The following RUSC1 variants were observed in gnomAD, a reference collection of about 807,000 sequenced individuals.
The protein encoded by RUSC1 is RUN and SH3 domain containing 1.
A neutral mutation model predicts 72.1 loss-of-function variants in RUSC1; 40 were observed. The observed-to-expected ratio is 0.55, with a 90% CI of 0.43 to 0.72. The LOEUF (loss-of-function observed/expected upper bound fraction) is 0.72. Among genes scored for constraint, RUSC1 ranks in the 30% least tolerant of loss-of-function variants. RUSC1 has a pLI of 0.00. For missense variants in RUSC1, 1,092 were observed against 1,172.3 expected (o/e 0.93, Z 1.00); for synonymous variants, 512 against 494.2 (o/e 1.04, Z -0.48).
Position 155,326,198 on chromosome 1 carries a change from C to A in RUSC1, c.1861+288C>A. 1.8e-6 allele frequency: 1 copy of A among 562,942 alleles called. No homozygotes were observed. Among genetic ancestry groups the A allele is most frequent in the Non-Finnish European group, 3.2e-6 (1 of 315,348 alleles). 34.9% of individuals were successfully genotyped at this position (562,942 alleles called of 1,614,324 possible). Reference sequence around the variant, plus strand: ...GGGCCCTGCTTATGCTGTTCCTCTACCTTCTGCCCCTCCTGCTTCCTCTGA... The same window carrying A: ...GGGCCCTGCTTATGCTGTTCCTCTAACTTCTGCCCCTCCTGCTTCCTCTGA... On this transcript the variant is annotated intron_variant, in intron 7 of 9. Coordinates refer to ENST00000368352, the MANE Select transcript of RUSC1 (RefSeq NM_001105203.2). This position sits in a 1 kb window ranked among gnomAD's most constrained non-coding sequence, Gnocchi z 4.7.
chr1:155,326,469 T>C lies in RUSC1; in HGVS notation c.1862-111T>C, dbSNP rs997206923. On this transcript the variant is annotated intron_variant, in intron 7 of 9. Transcript: ENST00000368352. The surrounding 1 kb of genome is among the most constrained non-coding windows in gnomAD (Gnocchi z 4.7). ...ACATCCTTCCTCCTCTCTGCCCCAGTGCCCAGCAGAGTGAGGCCTGGGAAG... is the reference window on the plus strand; with the variant it reads ...ACATCCTTCCTCCTCTCTGCCCCAGCGCCCAGCAGAGTGAGGCCTGGGAAG... 5.2e-5 allele frequency: 58 copies of C among 1,111,884 alleles called. No individual in the cohort carries two copies. The Middle Eastern group carries it at 1.6e-3, about 30-fold the overall frequency. The allele number at this position is 1,111,884 out of a possible 1,614,324, so 68.9% of individuals were successfully genotyped here.
chr1:155,325,798 C>T lies in RUSC1; in HGVS notation c.1815-66C>T. ...CCCCTCTTCCAATCTCATCTCCCAT[C>T]CTCCACCCAGAGAGGACTGGAGTCC... On this transcript the variant is annotated intron_variant, in intron 6 of 9. Coordinates refer to ENST00000368352, the MANE Select transcript of RUSC1 (RefSeq NM_001105203.2). The surrounding 1 kb of genome is among the most constrained non-coding windows in gnomAD (Gnocchi z 6.5). The T allele has an allele frequency of 6.3e-7, 1 of 1,595,616 alleles. No individual in the cohort carries two copies. The highest frequency in any genetic ancestry group is 8.6e-7 in the Non-Finnish European group (1 of 1,163,474).
In RUSC1 at chr1:155,325,786, C is replaced by G; in HGVS notation, c.1815-78C>G. 1 of 1,589,688 alleles carries G rather than the reference C, an allele frequency of 6.3e-7. No individual in the cohort carries two copies. Among genetic ancestry groups the G allele is most frequent in the Non-Finnish European group, 8.6e-7 (1 of 1,158,280 alleles). ...CAGAGAAGGCCCCCCCTCTTCCAATCTCATCTCCCATCCTCCACCCAGAGA... is the reference window on the plus strand; with the variant it reads ...CAGAGAAGGCCCCCCCTCTTCCAATGTCATCTCCCATCCTCCACCCAGAGA... On this transcript the variant is annotated intron_variant, in intron 6 of 9. Transcript: ENST00000368352. The surrounding 1 kb of genome is among the most constrained non-coding windows in gnomAD (Gnocchi z 6.5).
rs1330727275 is a variant in RUSC1 at position 155,326,802 on chromosome 1, T to C, written c.2084T>C (p.Met695Thr). Residue 695 changes from methionine to threonine, a missense_variant, in exon 8 of 10, where the codon ATG becomes ACG. Transcript: ENST00000368352. The surrounding 1 kb of genome is among the most constrained non-coding windows in gnomAD (Gnocchi z 4.7). Reference sequence around the variant, plus strand: ...GCTCTGCAGCAGACTATGCAAGCCATGCTGCACTTTGGGGGCCGGCTGGCC... The same window carrying C: ...GCTCTGCAGCAGACTATGCAAGCCACGCTGCACTTTGGGGGCCGGCTGGCC... ...PPALQQTMQA[M>T]LHFGGRLAQS... 6.2e-7 allele frequency: 1 copy of C among 1,613,294 alleles called. No individual in the cohort carries two copies. Among genetic ancestry groups the C allele is most frequent in the Non-Finnish European group, 8.5e-7 (1 of 1,180,026 alleles).
intron 2 of RUSC1, chr1:155,324,617 G>A: frequency 6.6e-7 from 1 of 1,526,610 alleles, no homozygotes; most frequent in Non-Finnish European, 8.7e-7. Flanking sequence ...GGAGGGCACA[G>A]GGAACCGGGA....
intron 8 of RUSC1, 39 bp downstream of exon 8, chr1:155,327,171 C>G: frequency 1.3e-6 from 2 of 1,528,646 alleles, no homozygotes; most frequent in Non-Finnish European, 1.8e-6. Flanking sequence ...CCTTCTGACT[C>G]TCTCAGATCT....
intron 2 of RUSC1, chr1:155,324,639 G>A (rs945139777): frequency 1.3e-6 from 2 of 1,519,766 alleles, no homozygotes; most frequent in African/African-American, 2.8e-5. Flanking sequence ...GGGGCTGGGG[G>A]ACAGCGAGTG....
In RUSC1 at chr1:155,322,237, G is replaced by C. The variant is rs1650645017; in HGVS notation, c.464G>C (p.Cys155Ser). The C allele has an allele frequency of 3.1e-6, 5 of 1,612,864 alleles. No individual in the cohort carries two copies. Among genetic ancestry groups the C allele is most frequent in the African/African-American group, 1.3e-5 (1 of 74,918 alleles). The change falls in exon 2 of 10, where the codon TGC becomes TCC. Residue 155 changes from cysteine to serine, a missense_variant. Cys to Ser is a moderately radical substitution (Grantham distance 112). Coordinates refer to ENST00000368352, the MANE Select transcript of RUSC1 (RefSeq NM_001105203.2). ...SPLASAGPGTCSPDSFCCSPD... is the reference protein window; with the variant it reads ...SPLASAGPGTSSPDSFCCSPD... ...CTGGCTTCAGCAGGCCCTGGCACCT[G>C]CTCACCGGACAGCTTCTGCTGCTCT...
chr1:155,330,518 C>T lies in RUSC1; in HGVS notation c.2656C>T (p.Arg886Trp), dbSNP rs771741362. The T allele has an allele frequency of 1.5e-5, 25 of 1,613,550 alleles. No homozygotes were observed. The South Asian group carries it at 1.8e-4, about 11-fold the overall frequency. Residue 886 changes from arginine (R) to tryptophan (W), a missense_variant, in exon 10 of 10, where the codon CGG (arginine) becomes TGG (tryptophan). Transcript: ENST00000368352. ...TVDEDWLRCG[R>W]DGMEGLVPVG... ...GGATGAGGACTGGCTCCGCTGTGGG[C>T]GGGATGGCATGGAGGGTCTGGTGCC...
At chr1:155,323,226 T>A in intron 2 of RUSC1, 96 bp downstream of exon 2, 1 of 1,292,288 alleles carries the variant, frequency 7.7e-7, no homozygotes, top group Non-Finnish European at 1.0e-6. Flanking sequence ...CCATTCTGTG[T>A]CACCCATCCT....
At position 155,321,830 on chromosome 1, in the gene RUSC1, C is replaced by T. The variant is rs1313946280; in HGVS notation, c.57C>T (p.His19=). 3.1e-6 allele frequency: 5 copies of T among 1,613,802 alleles called. No homozygotes were observed. Among genetic ancestry groups the T allele is most frequent in the African/African-American group, 2.7e-5 (2 of 74,902 alleles). ...ACCTCAACCACATCCACCTCCAGCA[C>T]GTCTCCCTGGGCCTGCACTTGTCCC... is the stretch of plus-strand genomic sequence containing the variant. ...LCNLNHIHLQ[H]VSLGLHLSRR... is the part of the protein sequence containing the mutation. The change falls in exon 2 of 10, where the codon CAC becomes CAT. Residue 19 remains histidine (H), a synonymous_variant. Coordinates refer to ENST00000368352, the MANE Select transcript of RUSC1 (RefSeq NM_001105203.2).
Position 155,322,293 on chromosome 1 carries a change from C to A in RUSC1, c.520C>A (p.Pro174Thr). The A allele has an allele frequency of 6.2e-7, 1 of 1,611,170 alleles. No individual in the cohort carries two copies. The highest frequency in any genetic ancestry group is 8.5e-7 in the Non-Finnish European group (1 of 1,177,952). ...TTCCTGCTCCGGAGCTTCTTCTTCA[C>A]CCGATCCTGGCCTGGACTCGAACTG... ...PDSCSGASSS[P>T]DPGLDSNCNA... The change falls in exon 2 of 10, where the codon CCC (proline) becomes ACC (threonine). Residue 174 changes from proline to threonine, a missense_variant. Physicochemically the swap from Pro to Thr is conservative, Grantham distance 38 (BLOSUM62 -1). Coordinates refer to ENST00000368352, the MANE Select transcript of RUSC1 (RefSeq NM_001105203.2).
At position 155,325,163 on chromosome 1, in the gene RUSC1, G is replaced by C; in HGVS notation, c.1518G>C (p.Arg506=). ...TCATCTCGCATTTCGGGGCCGCCCG[G>C]AACTTGGTGCAGAAGGTGAAGGTGG... ...DKIISHFGAA[R]NLVQKAQLGD... is the part of the protein sequence containing the mutation. The change falls in exon 4 of 10, where the codon CGG becomes CGC. Residue 506 remains arginine (R), a synonymous_variant. Transcript: ENST00000368352. This position sits in a 1 kb window ranked among gnomAD's most constrained non-coding sequence, Gnocchi z 6.5. 1 of 1,614,270 alleles carries C rather than the reference G, an allele frequency of 6.2e-7. No homozygotes were observed. Among genetic ancestry groups the C allele is most frequent in the Non-Finnish European group, 8.5e-7 (1 of 1,180,054 alleles).
chr1:155,328,022 G>C, intron 8 of RUSC1, 128 bp from the exon 9 acceptor site: 1 of 1,206,848 alleles, frequency 8.3e-7, no homozygotes, highest in South Asian at 1.6e-5. Flanking sequence ...TCTGCCCTCA[G>C]CAGTGACTAA....
chr1:155,323,174 C>G (rs1389525388), intron 2 of RUSC1, 44 bp downstream of exon 2: 3 of 1,396,194 alleles, frequency 2.1e-6, no homozygotes, highest in African/African-American at 1.5e-5. Flanking sequence ...GCTTCGGCCG[C>G]TCACGCCTCC....
In RUSC1 at chr1:155,322,899, T is replaced by TC; in HGVS notation, c.1129dup (p.Arg377ProfsTer79). On this transcript the variant is annotated frameshift_variant, in exon 2 of 10. Transcript: ENST00000368352. LOFTEE classifies it high-confidence loss of function. ...AGTCACCACCTTCAAGGAACTCCGG[T>TC]CCCGAAGCCGGGCCCCAGCCCCGCC... 6.2e-7 allele frequency: 1 copy of TC among 1,601,202 alleles called. No homozygotes were observed. Among genetic ancestry groups the TC allele is most frequent in the Non-Finnish European group, 8.5e-7 (1 of 1,175,292 alleles).
chr1:155,328,103 G>A (rs1651607355), intron 8 of RUSC1, 47 bp from the exon 9 acceptor site: 1 of 1,586,944 alleles, frequency 6.3e-7, no homozygotes, highest in East Asian at 2.3e-5. Context: ...GGGTTCTTGG[G>A]TTTTCTGGAA....
In RUSC1 at chr1:155,321,851, G is replaced by C. The variant is rs749135751; in HGVS notation, c.78G>C (p.Leu26Phe). ...HLQHVSLGLH[L>F]SRRPELQEGP... ...AGCACGTCTCCCTGGGCCTGCACTT[G>C]TCCCGCCGTCCTGAGCTACAGGAGG... Residue 26 changes from leucine to phenylalanine, a missense_variant, in exon 2 of 10, where the codon TTG becomes TTC. By Grantham distance (22) the Leu-to-Phe change is conservative. Coordinates refer to ENST00000368352, the MANE Select transcript of RUSC1 (RefSeq NM_001105203.2). 1.2e-5 allele frequency: 19 copies of C among 1,613,788 alleles called. No homozygotes were observed. In the South Asian group the frequency reaches 2.1e-4, roughly 18 times the overall value.
Position 155,327,043 on chromosome 1 carries a change from G to A in RUSC1, c.2325G>A (p.Glu775=), listed in dbSNP as rs1156562937. The A allele has an allele frequency of 1.2e-6, 2 of 1,613,504 alleles. No homozygotes were observed. Among genetic ancestry groups the A allele is most frequent in the Admixed American group, 3.3e-5 (2 of 60,032 alleles). The change falls in exon 8 of 10, where the codon GAG becomes GAA. Residue 775 remains glutamate, a synonymous_variant. Coordinates refer to ENST00000368352, the MANE Select transcript of RUSC1 (RefSeq NM_001105203.2). ...GAQERPLPTD[E]MAPGRGLWLG... ...AGGAGAGACCCCTGCCCACAGATGA[G>A]ATGGCACCAGGCAGGGGCCTCTGGT... is the stretch of plus-strand genomic sequence containing the variant.
Sources: allele counts gnomAD v4.1 joint callset, GRCh38; gene constraint gnomAD v4.1.1; non-coding constraint Gnocchi (gnomAD v3.1); transcripts MANE v1.5; gene names NCBI Gene and HGNC (gene_info 2026-07-23, HGNC 2026-07-21).